Variants in SLC20A2 observed in about 807,000 individuals in gnomAD.
SLC20A2 encodes sodium-dependent phosphate transporter 2.
A neutral mutation model predicts 61.0 loss-of-function variants in SLC20A2; 30 were observed. The observed-to-expected ratio is 0.49, with a 90% confidence interval of 0.37 to 0.67. The LOEUF (loss-of-function observed/expected upper bound fraction) is 0.67. Among genes scored for constraint, SLC20A2 ranks in the 30% least tolerant of loss-of-function variants. SLC20A2 has a pLI of 0.00. For synonymous variants in SLC20A2, 351 were observed against 353.3 expected (o/e 0.99, Z 0.07); for missense variants, 626 against 866.4 (o/e 0.72, Z 3.48).
At chr8:42,484,915 C>A in intron 1 of SLC20A2, 1 of 414,902 alleles carries the variant, frequency 2.4e-6, no homozygotes, top group Non-Finnish European at 4.8e-6. Flanking sequence ...GAGACAGCAG[C>A]AGCACAAAAA....
chr8:42,451,899 G>A (rs1405227187), intron 5 of SLC20A2, among the ~76,000 whole-genome samples: 1 of 135,920 alleles, frequency 7.4e-6, no homozygotes, highest in Non-Finnish European at 1.6e-5. Context: ...AAGAGGAAGA[G>A]GAAGAGATGG....
At chr8:42,482,422 C>T (rs1056109445) in intron 1 of SLC20A2, among the ~76,000 whole-genome samples, 1 of 152,060 alleles carries the variant, frequency 6.6e-6, no homozygotes, top group Non-Finnish European at 1.5e-5. Context: ...CCTCCAATCC[C>T]AGCAGTTTGG....
At chr8:42,493,672 G>T (rs1417434876) in intron 1 of SLC20A2, among the ~76,000 whole-genome samples, 1 of 152,146 alleles carries the variant, frequency 6.6e-6, no homozygotes, top group African/African-American at 2.4e-5. Flanking sequence ...TCAGATTATA[G>T]AGTTTGTTAA....
chr8:42,473,457 G>C (rs1807810451), intron 1 of SLC20A2, among the ~76,000 whole-genome samples: 1 of 152,014 alleles, frequency 6.6e-6, no homozygotes, highest in South Asian at 2.1e-4. Context: ...CAGGGCTTTT[G>C]TACCTGAGGA....
chr8:42,474,149 C>T (rs572872089), intron 1 of SLC20A2, among the ~76,000 whole-genome samples: 39 of 151,582 alleles, frequency 2.6e-4, no homozygotes, highest in African/African-American at 8.0e-4. Flanking sequence ...CCAGCCTGGG[C>T]GACACAGCGA....
chr8:42,464,279 C>CTTT lies in SLC20A2; in HGVS notation c.431-1192_431-1190dup, dbSNP rs202204490. On this transcript the variant is annotated intron_variant, in intron 3 of 10. Transcript: ENST00000520262. ...CGCACCATCACACCAGGCTAATTTTCTTTCTTTTTTTTTTTTTTTTGTTGT... is the reference window on the plus strand; with the variant it reads ...CGCACCATCACACCAGGCTAATTTTCTTTTTTCTTTTTTTTTTTTTTTTGTTGT... 5.1e-3 allele frequency among the ~76,000 whole-genome samples: 701 copies of CTTT among 136,802 alleles called. 18 individuals are homozygous for CTTT. Among genetic ancestry groups the CTTT allele is most frequent in the African/African-American group, 0.02 (654 of 33,512 alleles). 89.7% of individuals were successfully genotyped at this position (136,802 alleles called of 152,430 possible).
chr8:42,483,963 T>C (rs1363043411), intron 1 of SLC20A2, among the ~76,000 whole-genome samples: 1 of 152,240 alleles, frequency 6.6e-6, no homozygotes, highest in Non-Finnish European at 1.5e-5. Context: ...GGATGGTACT[T>C]ATAAAACTTT....
At chr8:42,541,305 C>T (rs1169331323) in intron 1 of SLC20A2, 1 of 149,164 alleles carries the variant, frequency 6.7e-6, no homozygotes, top group African/African-American at 2.4e-5. Context: ...CGCAACCCGC[C>T]GCCGCCGCGA....
intron 1 of SLC20A2, among the ~76,000 whole-genome samples, chr8:42,521,609 C>A (rs1479907533): frequency 1.7e-5 from 2 of 120,548 alleles, no homozygotes; most frequent in African/African-American, 5.1e-5. Context: ...CCCACCTCAG[C>A]CTCCTGAGTA....
chr8:42,421,410 G>A (rs567202135), intron 10 of SLC20A2, among the ~76,000 whole-genome samples: 5 of 152,128 alleles, frequency 3.3e-5, no homozygotes, highest in South Asian at 2.1e-4. Context: ...TTTCCCTCCC[G>A]TTACATTTTC....
intron 1 of SLC20A2, among the ~76,000 whole-genome samples, chr8:42,496,815 T>C (rs1809962846): frequency 6.6e-6 from 1 of 152,174 alleles, no homozygotes; most frequent in Non-Finnish European, 1.5e-5. Flanking sequence ...GCCCCCTCTC[T>C]TCTGAAATGG....
At chr8:42,507,285 T>C (rs1328033525) in intron 1 of SLC20A2, among the ~76,000 whole-genome samples, 1 of 152,080 alleles carries the variant, frequency 6.6e-6, no homozygotes, top group Non-Finnish European at 1.5e-5. Flanking sequence ...TCCACAGCGA[T>C]GCAGTCTTCA....
chr8:42,451,922 AAGAG>A (rs1805710804), intron 5 of SLC20A2, among the ~76,000 whole-genome samples: 21 of 125,352 alleles, frequency 1.7e-4, no homozygotes, highest in African/African-American at 5.5e-4. Context: ...GAGGAGGAGG[AAGAG>A]ATGAAGAGGA....
chr8:42,470,319 G>T (rs966295975), intron 2 of SLC20A2, among the ~76,000 whole-genome samples: 1 of 151,096 alleles, frequency 6.6e-6, no homozygotes, highest in African/African-American at 2.4e-5. Context: ...CTGGGCTCAA[G>T]CAATCCTCCC....
chr8:42,443,914 G>C (rs1164144956), intron 6 of SLC20A2, among the ~76,000 whole-genome samples: 1 of 152,172 alleles, frequency 6.6e-6, no homozygotes, highest in African/African-American at 2.4e-5. Flanking sequence ...CGGATCATGG[G>C]CTTCTGCTCA....
intron 5 of SLC20A2, among the ~76,000 whole-genome samples, chr8:42,455,257 T>TATATATAGAGAGAGAG (rs1357416749): frequency 3.7e-5 from 3 of 81,622 alleles, no homozygotes; most frequent in African/African-American, 1.3e-4. Flanking sequence ...TATATATATA[T>TATATATAGAGAGAGAG]AGAGAGAGAG....
intron 1 of SLC20A2, among the ~76,000 whole-genome samples, chr8:42,485,854 G>A (rs1479938033): frequency 4.6e-5 from 7 of 151,646 alleles, no homozygotes; most frequent in Non-Finnish European, 8.8e-5. Flanking sequence ...GCTGAGGCAG[G>A]AGAATCGCTT....
chr8:42,435,492 A>G (rs1804179379), intron 8 of SLC20A2, among the ~76,000 whole-genome samples: 1 of 152,148 alleles, frequency 6.6e-6, no homozygotes, highest in African/African-American at 2.4e-5. Context: ...AGATTGGGAA[A>G]CGGAGACTTC....
At chr8:42,532,537 A>G (rs576871777) in intron 1 of SLC20A2, among the ~76,000 whole-genome samples, 1 of 152,352 alleles carries the variant, frequency 6.6e-6, no homozygotes, top group East Asian at 1.9e-4. Context: ...AGGAAGCTCA[A>G]TGTTCGAAGG....
Sources: allele counts gnomAD v4.1 joint callset (sites outside exome capture counted in the v4.1 genomes callset), GRCh38; gene constraint gnomAD v4.1.1; transcripts MANE v1.5; gene names NCBI Gene and HGNC (gene_info 2026-07-23, HGNC 2026-07-21).